Variants in C10orf53 observed in about 807,000 individuals in gnomAD.
The protein encoded by C10orf53 is UPF0728 protein C10orf53.
C10orf53 carries 8 observed loss-of-function variants against 9.4 expected under a neutral mutation model. The ratio of observed to expected loss-of-function variants is 0.85; its 90% CI spans 0.50 to 1.53. The LOEUF (loss-of-function observed/expected upper bound fraction) is 1.53. Among genes scored for constraint, C10orf53 ranks in the 40% most tolerant of loss-of-function variants. The pLI, the probability that C10orf53 is intolerant of heterozygous loss-of-function variation, is 0.00. For synonymous variants in C10orf53, 48 were observed against 46.0 expected (o/e 1.04, Z -0.18); for missense variants, 117 against 117.8 (o/e 0.99, Z 0.03).
chr10:49,692,156 G>A (rs1407030726), intron 1 of C10orf53, among the ~76,000 whole-genome samples: 1 of 152,148 alleles, frequency 6.6e-6, no homozygotes, highest in Non-Finnish European at 1.5e-5. Flanking sequence ...ACAAGTCGTG[G>A]GTCCAAACTG....
Position 49,679,758 on chromosome 10 carries a change from G to C in C10orf53, c.61G>C (p.Val21Leu). ...YGPYSAAGLP[V>L]EHHTFRLQGL... ...GCCCTACAGCGCGGCAGGCCTACCGGTGGAGCACCACACCTTCCGCCTGCA... is the reference window on the plus strand; with the variant it reads ...GCCCTACAGCGCGGCAGGCCTACCGCTGGAGCACCACACCTTCCGCCTGCA... The change falls in exon 1 of 3, where the codon GTG (valine) becomes CTG (leucine). Residue 21 changes from valine (V) to leucine (L), a missense_variant. Coordinates refer to ENST00000374111, the MANE Select transcript of C10orf53 (RefSeq NM_001042427.3). 1 of 1,546,348 alleles carries C rather than the reference G, an allele frequency of 6.5e-7. No homozygotes were observed.
intron 1 of C10orf53, among the ~76,000 whole-genome samples, chr10:49,681,101 T>C (rs1455013608): frequency 6.6e-6 from 1 of 152,188 alleles, no homozygotes; most frequent in Non-Finnish European, 1.5e-5. Context: ...AAGCCCACTT[T>C]CCACTTACAG....
At chr10:49,690,749 A>G (rs978813814) in intron 1 of C10orf53, among the ~76,000 whole-genome samples, 3 of 152,116 alleles carry the variant, frequency 2.0e-5, no homozygotes, top group African/African-American at 7.2e-5. Context: ...ATAAAATAGA[A>G]TCCACCCCAC....
downstream of C10orf53, among the ~76,000 whole-genome samples, chr10:49,701,609 G>A (rs765831263): frequency 2.0e-5 from 3 of 152,096 alleles, no homozygotes; most frequent in Non-Finnish European, 4.4e-5. Context: ...CCTTCCTCGT[G>A]CTGCTTCCTC....
At position 49,679,715 on chromosome 10, in the gene C10orf53, G is replaced by C; in HGVS notation, c.18G>C (p.Val6=). The change falls in exon 1 of 3, where the codon GTG becomes GTC. Residue 6 remains valine, a synonymous_variant. Transcript: ENST00000374111. ...GCCTGGCGATGCCCAAGAACGCAGT[G>C]GTCATCCTGCGCTATGGGCCCTACA... MPKNA[V]VILRYGPYSA... 6.5e-7 allele frequency: 1 copy of C among 1,548,284 alleles called. No homozygotes were observed. Among genetic ancestry groups the C allele is most frequent in the Non-Finnish European group, 8.7e-7 (1 of 1,145,954 alleles).
chr10:49,703,891 G>A (rs55853768), intron 2 of C10orf53, among the ~76,000 whole-genome samples: 69,270 of 151,992 alleles, frequency 0.46, 16,191 homozygotes, highest in Middle Eastern at 0.5. Flanking sequence ...AAATAGAATC[G>A]AAATCTAAAA....
intron 1 of C10orf53, 50 bp from the exon 2 acceptor site, chr10:49,693,724 A>T: frequency 1.3e-6 from 2 of 1,580,534 alleles, no homozygotes; most frequent in Non-Finnish European, 1.7e-6. Flanking sequence ...CAGTCAGGTT[A>T]GTTTGAAGTC....
intron 1 of C10orf53, 84 bp downstream of exon 1, chr10:49,679,878 C>G (rs1840463233): frequency 8.0e-7 from 1 of 1,243,678 alleles, no homozygotes; most frequent in Non-Finnish European, 1.1e-6. Context: ...AGGCCTTCCT[C>G]AGACCCCCAC....
chr10:49,704,677 G>A (rs1469040505), intron 2 of C10orf53, among the ~76,000 whole-genome samples: 1 of 152,200 alleles, frequency 6.6e-6, no homozygotes, highest in Non-Finnish European at 1.5e-5. Context: ...CCAGGAGGCA[G>A]AGGTTGCAGT....
chr10:49,679,887 A>C, intron 1 of C10orf53, 93 bp downstream of exon 1: 3 of 1,110,242 alleles, frequency 2.7e-6, no homozygotes, highest in Non-Finnish European at 2.4e-6. Context: ...TCAGACCCCC[A>C]CGAAGCGCCA....
At chr10:49,708,377 T>C in exon 3 of C10orf53, 1 of 1,614,084 alleles carries the variant, frequency 6.2e-7, no homozygotes, top group Non-Finnish European at 8.5e-7. Flanking sequence ...TCACCCCAAG[T>C]AGTGACAAGA....
At chr10:49,702,709 G>C (rs1013603072) in intron 2 of C10orf53, among the ~76,000 whole-genome samples, 6 of 152,170 alleles carry the variant, frequency 3.9e-5, no homozygotes, top group Admixed American at 2.6e-4. Flanking sequence ...TACAGATATA[G>C]GTTTAGCTAT....
At chr10:49,694,092 C>T in intron 2 of C10orf53, 199 bp downstream of exon 2, 3 of 683,868 alleles carry the variant, frequency 4.4e-6, no homozygotes, top group South Asian at 2.1e-5. Flanking sequence ...GTGTGTGATG[C>T]TACGAGTTTC....
chr10:49,696,530 G>A lies in C10orf53; in HGVS notation c.*1928G>A, dbSNP rs1840636455. Among the ~76,000 whole-genome samples the A allele has an allele frequency of 6.6e-6, 1 of 152,144 alleles. No homozygotes were observed. Among genetic ancestry groups the A allele is most frequent in the Non-Finnish European group, 1.5e-5 (1 of 68,030 alleles). On this transcript the variant is annotated 3_prime_UTR_variant, in exon 3 of 3. Coordinates refer to ENST00000374111, the MANE Select transcript of C10orf53 (RefSeq NM_001042427.3). ...CCTCAACCCCGCAGGTTGTATTTGT[G>A]CCTTCAGAGTAGCACTACAAGTGAA...
chr10:49,695,041 G>A lies in C10orf53; in HGVS notation c.*439G>A, dbSNP rs1840621685. On this transcript the variant is annotated 3_prime_UTR_variant, in exon 3 of 3. Coordinates refer to ENST00000374111, the MANE Select transcript of C10orf53 (RefSeq NM_001042427.3). ...TGGGAATAAAGGCTTTTGAAAGTCT[G>A]AACCAAAAGCAAATGTTAATATTTG... is the stretch of plus-strand genomic sequence containing the variant. 7 of 762,892 alleles carry A rather than the reference G, an allele frequency of 9.2e-6. No individual in the cohort carries two copies. In the South Asian group the frequency reaches 3.6e-4, roughly 39 times the overall value. 47.3% of individuals were successfully genotyped at this position (762,892 alleles called of 1,614,324 possible).
intron 2 of C10orf53, 144 bp from the exon 3 acceptor site, chr10:49,694,394 C>T: frequency 8.6e-7 from 1 of 1,156,354 alleles, no homozygotes; most frequent in Non-Finnish European, 1.2e-6. Context: ...TTGCAATCCA[C>T]TAACACTCTA....
downstream of C10orf53, among the ~76,000 whole-genome samples, chr10:49,697,789 A>G (rs188142366): frequency 0.018 from 2,726 of 152,138 alleles, 41 homozygotes; most frequent in Non-Finnish European, 0.027. Context: ...CAAATGATCC[A>G]CCCACCTCGG....
At chr10:49,703,736 A>G (rs1353982014) in intron 2 of C10orf53, among the ~76,000 whole-genome samples, 1 of 152,220 alleles carries the variant, frequency 6.6e-6, no homozygotes, top group Non-Finnish European at 1.5e-5. Context: ...GCTGGATATA[A>G]CAGGCAGACT....
chr10:49,708,864 T>A, exon 3 of C10orf53: 1 of 551,858 alleles, frequency 1.8e-6, no homozygotes, highest in East Asian at 3.3e-5. Context: ...CTTACTCAAT[T>A]TGGGAACTTG....
Sources: allele counts gnomAD v4.1 joint callset (sites outside exome capture counted in the v4.1 genomes callset), GRCh38; gene constraint gnomAD v4.1.1; transcripts MANE v1.5; gene names NCBI Gene and HGNC (gene_info 2026-07-23, HGNC 2026-07-21).